MCF2L: variants seen among roughly 807,000 people sequenced by gnomAD.
MCF2L encodes MCF.2 cell line derived transforming sequence like, also known as guanine nucleotide exchange factor DBS.
In MCF2L, 97 loss-of-function variants were observed where a neutral mutation model predicts 153.4. The observed-to-expected ratio is 0.63, with a 90% CI of 0.54 to 0.75. MCF2L has a LOEUF of 0.75. Among genes scored for constraint, MCF2L ranks in the 30% least tolerant of loss-of-function variants. The pLI, the probability that MCF2L is intolerant of heterozygous loss-of-function variation, is 0.00. For missense variants in MCF2L, 1,347 were observed against 1,495.2 expected (o/e 0.90, Z 1.64); for synonymous variants, 659 against 632.2 (o/e 1.04, Z -0.64).
At chr13:112,915,226 G>T (rs577100123) in intron 2 of MCF2L, among the ~76,000 whole-genome samples, 1 of 151,776 alleles carries the variant, frequency 6.6e-6, no homozygotes, top group Admixed American at 6.6e-5. Context: ...TGGCTAACAC[G>T]GTGAAATCCT....
intron 4 of MCF2L, among the ~76,000 whole-genome samples, chr13:113,048,865 G>A (rs978347571): frequency 2.0e-5 from 3 of 152,246 alleles, no homozygotes; most frequent in Non-Finnish European, 2.9e-5. Context: ...CGCCAGCTGG[G>A]TGAGGACAGT....
chr13:113,048,304 T>G (rs74115768), intron 4 of MCF2L, among the ~76,000 whole-genome samples: 5,839 of 152,278 alleles, frequency 0.038, 394 homozygotes, highest in African/African-American at 0.13. Flanking sequence ...AAAATATGGC[T>G]TTTTCTGTCC....
rs979146264 is a variant in MCF2L at position 112,993,014 on chromosome 13, A to G, written c.80-21749A>G. On this transcript the variant is annotated intron_variant, in intron 1 of 29. Transcript: ENST00000535094. The surrounding 1 kb of genome is among the most constrained non-coding windows in gnomAD (Gnocchi z 4.6). ...TCTCTGCCAAACGTGCGCGGGCATC[A>G]GGCAGGAGTCCATGGGCCATGGGGG... Among the ~76,000 whole-genome samples, 12 of 152,246 alleles carry G rather than the reference A, an allele frequency of 7.9e-5. No homozygotes were observed. The highest frequency in any genetic ancestry group is 1.8e-4 in the Non-Finnish European group (12 of 68,038).
chr13:112,916,439 A>G (rs2081293017), intron 2 of MCF2L, among the ~76,000 whole-genome samples: 2 of 151,940 alleles, frequency 1.3e-5, no homozygotes, highest in African/African-American at 2.4e-5. Flanking sequence ...CTGGTGTTTC[A>G]TCAGTCTTTG....
chr13:113,041,259 C>G (rs2086463507), intron 3 of MCF2L, among the ~76,000 whole-genome samples: 1 of 152,222 alleles, frequency 6.6e-6, no homozygotes, highest in Non-Finnish European at 1.5e-5. Flanking sequence ...CCACACCACC[C>G]TCTCCCTCAG....
chr13:112,900,962 C>T (rs2081114309), intron 1 of MCF2L, among the ~76,000 whole-genome samples: 1 of 152,038 alleles, frequency 6.6e-6, no homozygotes, highest in African/African-American at 2.4e-5. Flanking sequence ...GGGAGATGTC[C>T]CAGCAGGGGC....
intron 1 of MCF2L, among the ~76,000 whole-genome samples, chr13:113,006,368 G>A (rs1009635760): frequency 2.0e-5 from 3 of 152,120 alleles, no homozygotes; most frequent in Non-Finnish European, 2.9e-5. Flanking sequence ...CTAGGTCCTC[G>A]CGAGGACTCA....
chr13:112,989,535 G>A (rs751121394), intron 1 of MCF2L, among the ~76,000 whole-genome samples: 1 of 13,822 alleles, frequency 7.2e-5, no homozygotes. Flanking sequence ...CCTGAGCAGG[G>A]GATGGAGCTA....
At chr13:113,002,180 G>T (rs572581038) in intron 1 of MCF2L, among the ~76,000 whole-genome samples, 3 of 152,320 alleles carry the variant, frequency 2.0e-5, no homozygotes, top group South Asian at 4.1e-4. Context: ...CTGTTCCTTG[G>T]CAGGGAAGGT....
At chr13:113,091,384 C>T (rs530925825) in intron 26 of MCF2L, among the ~76,000 whole-genome samples, 1 of 152,362 alleles carries the variant, frequency 6.6e-6, no homozygotes, top group South Asian at 2.1e-4. Context: ...CAGCACGCCT[C>T]TCAGCCAACT....
At chr13:112,899,068 G>A (rs2081095706) in intron 1 of MCF2L, among the ~76,000 whole-genome samples, 1 of 152,250 alleles carries the variant, frequency 6.6e-6, no homozygotes, top group South Asian at 2.1e-4. Flanking sequence ...GCTCCTCGGG[G>A]ACAGGAGCTT....
At chr13:112,927,453 T>G (rs958768011) in intron 2 of MCF2L, among the ~76,000 whole-genome samples, 3 of 152,150 alleles carry the variant, frequency 2.0e-5, no homozygotes, top group African/African-American at 7.2e-5. Flanking sequence ...TGAGAAGATC[T>G]GGAGGTCTTT....
At chr13:112,997,167 A>G (rs2317140) in intron 1 of MCF2L, among the ~76,000 whole-genome samples, 143,454 of 152,304 alleles carry the variant, frequency 0.94, 67,772 homozygotes, top group Non-Finnish European at 0.98. Context: ...CCAGAGCCCC[A>G]AATTCCCATC....
At chr13:113,050,235 AGT>A (rs1332825079) in intron 4 of MCF2L, among the ~76,000 whole-genome samples, 5 of 149,276 alleles carry the variant, frequency 3.3e-5, no homozygotes, top group African/African-American at 1.0e-4. Context: ...TGAGTGTGTG[AGT>A]GTGTGCGCGA....
In MCF2L at chr13:112,951,928, C is replaced by T. The variant is rs565783171; in HGVS notation, c.169+49557C>T. Among the ~76,000 whole-genome samples, 14 of 152,332 alleles carry T rather than the reference C, an allele frequency of 9.2e-5. No homozygotes were observed. The highest frequency in any genetic ancestry group is 2.6e-4 in the African/African-American group (11 of 41,566). ...CTCTCTGTCAACAAACCCACATACA[C>T]GCACCGCATTACAAGGGCTTTACCA... On this transcript the variant is annotated intron_variant, in intron 2 of 29. Transcript: ENST00000375608. The surrounding 1 kb of genome is among the most constrained non-coding windows in gnomAD (Gnocchi z 4.8).
chr13:113,048,664 A>G (rs191451191), intron 4 of MCF2L, among the ~76,000 whole-genome samples: 37 of 152,090 alleles, frequency 2.4e-4, no homozygotes, highest in African/African-American at 8.4e-4. Flanking sequence ...GGATGGTCTC[A>G]ATCTCCTGAC....
intron 2 of MCF2L, among the ~76,000 whole-genome samples, chr13:113,021,903 G>A (rs1447589949): frequency 6.6e-6 from 1 of 152,206 alleles, no homozygotes; most frequent in East Asian, 1.9e-4. Flanking sequence ...GGTAGCAGCA[G>A]CCTGAGACCA....
At chr13:112,988,759 G>T (rs35073040) in intron 1 of MCF2L, among the ~76,000 whole-genome samples, 1 of 119,386 alleles carries the variant, frequency 8.4e-6, no homozygotes, top group Non-Finnish European at 1.8e-5. Context: ...CCTGAGCAGG[G>T]GATGGAGCTA....
intron 1 of MCF2L, among the ~76,000 whole-genome samples, chr13:113,010,471 A>G (rs2084018283): frequency 6.6e-6 from 1 of 152,182 alleles, no homozygotes; most frequent in Admixed American, 6.5e-5. Context: ...CCTGTGTATC[A>G]GGTGAGCCAA....
Sources: gnomAD v4.1 joint callset for allele counts (sites outside exome capture counted in the v4.1 genomes callset) on GRCh38, gnomAD v4.1.1 for gene constraint, Gnocchi (gnomAD v3.1) non-coding constraint, MANE v1.5 for transcripts, NCBI Gene and HGNC (gene_info 2026-07-23, HGNC 2026-07-21) for gene names.